Variants in THSD4 observed in about 807,000 individuals in gnomAD.
THSD4 encodes thrombospondin type-1 domain-containing protein 4.
A neutral mutation model predicts 119.0 loss-of-function variants in THSD4; 69 were observed. That is an observed-to-expected ratio of 0.58 (90% confidence interval 0.48 to 0.71). THSD4 has a LOEUF of 0.71. Among genes scored for constraint, THSD4 ranks in the 30% least tolerant of loss-of-function variants. The probability of loss-of-function intolerance (pLI) is 0.00; values close to 1 mark genes in which losing one functional copy is unlikely to be tolerated. For missense variants in THSD4, 1,393 were observed against 1,391.1 expected (o/e 1.00, Z -0.02); for synonymous variants, 524 against 540.4 (o/e 0.97, Z 0.42).
At chr15:71,558,102 C>G (rs1232902076) in intron 7 of THSD4, among the ~76,000 whole-genome samples, 1 of 152,058 alleles carries the variant, frequency 6.6e-6, no homozygotes, top group Non-Finnish European at 1.5e-5. Flanking sequence ...TCGAGGTGGG[C>G]AGATCACTTG....
At chr15:71,146,282 C>T (rs1465418591) in intron 2 of THSD4, among the ~76,000 whole-genome samples, 1 of 152,162 alleles carries the variant, frequency 6.6e-6, no homozygotes, top group African/African-American at 2.4e-5. Context: ...ACAAACCACA[C>T]CCATAAGCAT....
At chr15:71,541,978 T>TA (rs2048766359) in intron 7 of THSD4, among the ~76,000 whole-genome samples, 1 of 152,226 alleles carries the variant, frequency 6.6e-6, no homozygotes, top group Non-Finnish European at 1.5e-5. Flanking sequence ...AACAGTCTTG[T>TA]AATTGTCATA....
In THSD4 at chr15:71,243,002, C is replaced by G; in HGVS notation, c.818C>G (p.Thr273Ser). ...PETSNNHGVG[T>S]HGATQSFSQP... ...ACAAGCAACAACCACGGTGTGGGGA[C>G]CCATGGGGCAACTCAGAGCTTCTCT... is the stretch of plus-strand genomic sequence containing the variant. Residue 273 changes from threonine (T) to serine (S), a missense_variant, in exon 5 of 18, where the codon ACC becomes AGC. Transcript: ENST00000261862. The G allele has an allele frequency of 6.2e-7, 1 of 1,614,212 alleles. No individual in the cohort carries two copies. The highest frequency in any genetic ancestry group is 8.5e-7 in the Non-Finnish European group (1 of 1,180,040).
chr15:71,765,790 CTGTGTGTGTGTG>C (rs59012463), intron 16 of THSD4, among the ~76,000 whole-genome samples: 18 of 146,316 alleles, frequency 1.2e-4, no homozygotes, highest in African/African-American at 2.5e-4. Context: ...CACACACTCT[CTGTGTGTGTGTG>C]TGTGTGTGTG....
At chr15:71,561,267 C>T (rs1300514400) in intron 7 of THSD4, among the ~76,000 whole-genome samples, 1 of 152,172 alleles carries the variant, frequency 6.6e-6, no homozygotes, top group African/African-American at 2.4e-5. Context: ...AGCCACCGCA[C>T]TCGGCTCTCT....
intron 7 of THSD4, among the ~76,000 whole-genome samples, chr15:71,519,609 G>T (rs1567018746): frequency 6.6e-6 from 1 of 152,198 alleles, no homozygotes; most frequent in Non-Finnish European, 1.5e-5. Context: ...TGATCCAACC[G>T]CCTTGGCCTC....
intron 3 of THSD4, among the ~76,000 whole-genome samples, chr15:71,164,129 T>G (rs371497788): frequency 2.0e-5 from 3 of 150,572 alleles, no homozygotes; most frequent in African/African-American, 7.4e-5. Flanking sequence ...ATGAAAACTA[T>G]CTCAACTTAA....
chr15:71,435,432 G>GT (rs2046999780), intron 7 of THSD4, among the ~76,000 whole-genome samples: 1 of 152,082 alleles, frequency 6.6e-6, no homozygotes, highest in African/African-American at 2.4e-5. Flanking sequence ...CTTTTCATAG[G>GT]TACCAATAAG....
At chr15:71,104,586 C>CA (rs1406929359) in intron 1 of THSD4, among the ~76,000 whole-genome samples, 1 of 152,146 alleles carries the variant, frequency 6.6e-6, no homozygotes, top group Non-Finnish European at 1.5e-5. Flanking sequence ...AACACAGTCT[C>CA]AATAGGTCCT....
chr15:71,660,743 G>A lies in THSD4; in HGVS notation c.1357+9G>A. The A allele has an allele frequency of 6.2e-7, 1 of 1,613,920 alleles. No individual in the cohort carries two copies. The highest frequency in any genetic ancestry group is 8.5e-7 in the Non-Finnish European group (1 of 1,179,962). ...GAGCAACAACTATTTGGGTAAGCTT[G>A]GTCTTTTTCCAGAGAAAACCGTCTG... On this transcript the variant is annotated intron_variant, in intron 8 of 17. Coordinates refer to ENST00000261862, the MANE Select transcript of THSD4 (RefSeq NM_024817.3).
chr15:71,550,676 G>A (rs1183750441), intron 7 of THSD4, among the ~76,000 whole-genome samples: 5 of 152,164 alleles, frequency 3.3e-5, no homozygotes, highest in South Asian at 4.1e-4. Flanking sequence ...TCCTGACCTC[G>A]TGATCCGCCC....
intron 1 of THSD4, among the ~76,000 whole-genome samples, chr15:71,127,310 A>G (rs2141358172): frequency 6.6e-6 from 1 of 152,326 alleles, no homozygotes; most frequent in East Asian, 1.9e-4. Context: ...TACCATGTTC[A>G]TCTGTTGATG....
At chr15:71,702,382 T>A (rs1012006067) in intron 8 of THSD4, among the ~76,000 whole-genome samples, 3 of 152,266 alleles carry the variant, frequency 2.0e-5, no homozygotes, top group Non-Finnish European at 2.9e-5. Flanking sequence ...ACTTAAAGAG[T>A]CCTTGGAGAT....
chr15:71,654,343 A>G (rs1054620990), intron 7 of THSD4, among the ~76,000 whole-genome samples: 1 of 152,236 alleles, frequency 6.6e-6, no homozygotes, highest in Non-Finnish European at 1.5e-5. Context: ...TTTTACAGGC[A>G]TAAGTGTTAG....
intron 1 of THSD4, among the ~76,000 whole-genome samples, chr15:71,124,105 C>T (rs1251246033): frequency 6.6e-6 from 1 of 152,138 alleles, no homozygotes; most frequent in Non-Finnish European, 1.5e-5. Context: ...ACCAGCACCA[C>T]CATTTGACAG....
At chr15:71,151,868 T>G (rs914178221) in intron 2 of THSD4, among the ~76,000 whole-genome samples, 3 of 152,204 alleles carry the variant, frequency 2.0e-5, no homozygotes, top group Admixed American at 1.3e-4. Flanking sequence ...TTCGAAGTTA[T>G]CCAGGACATC....
intron 6 of THSD4, among the ~76,000 whole-genome samples, chr15:71,387,439 C>T (rs8033084): frequency 0.85 from 129,237 of 152,146 alleles, 55,029 homozygotes; most frequent in African/African-American, 0.91. Context: ...AATTTGTTTT[C>T]CTTCCCTAGA....
chr15:71,156,774 C>G (rs1012245915), intron 3 of THSD4, among the ~76,000 whole-genome samples: 16 of 152,290 alleles, frequency 1.1e-4, no homozygotes, highest in Non-Finnish European at 4.4e-5. Context: ...GATGTCAACT[C>G]CGTGAAAGTA....
At position 71,778,469 on chromosome 15, in the gene THSD4, C is replaced by G. The variant is rs541121922; in HGVS notation, c.*1095C>G. On this transcript the variant is annotated 3_prime_UTR_variant, in exon 18 of 18. Coordinates refer to ENST00000261862, the MANE Select transcript of THSD4 (RefSeq NM_024817.3). The stretch of plus-strand genomic sequence containing the variant: ...AGGGTCCTTATGGCCGTGGAGCCTT[C>G]CCGACCACAGAGCCAACTTGTGAAG... The G allele has an allele frequency of 6.6e-6, 1 of 152,432 alleles. No homozygotes were observed. Among genetic ancestry groups the G allele is most frequent in the Non-Finnish European group, 1.5e-5 (1 of 68,222 alleles). The allele number at this position is 152,432 out of a possible 1,614,324, so 9.4% of individuals were successfully genotyped here. A position where few individuals can be genotyped will look rare whatever the true frequency, so the allele number is the denominator to read the frequency against.
Sources: gnomAD v4.1 joint callset for allele counts (sites outside exome capture counted in the v4.1 genomes callset) on GRCh38, gnomAD v4.1.1 for gene constraint, MANE v1.5 for transcripts, NCBI Gene and HGNC (gene_info 2026-07-23, HGNC 2026-07-21) for gene names.